SRC: variants seen among roughly 807,000 people sequenced by gnomAD.
The protein encoded by SRC is SRC proto-oncogene, non-receptor tyrosine kinase, also known as proto-oncogene tyrosine-protein kinase Src.
In SRC, 13 loss-of-function variants were observed where a neutral mutation model predicts 62.9. That is an observed-to-expected ratio of 0.21 (90% CI 0.13 to 0.33). The LOEUF (loss-of-function observed/expected upper bound fraction) is 0.33, where lower values mean the gene tolerates loss of function less well. Ranked by LOEUF, SRC falls within the 10% of genes least tolerant of loss-of-function variation. The probability of loss-of-function intolerance (pLI) is 1.00; values close to 1 mark genes in which losing one functional copy is unlikely to be tolerated. For missense variants in SRC, 457 were observed against 737.3 expected (o/e 0.62, Z 4.40); for synonymous variants, 302 against 317.5 (o/e 0.95, Z 0.52).
Position 37,402,902 on chromosome 20 carries a change from G to A in SRC, c.1402+22G>A. Reference sequence around the variant, plus strand: ...CCTGGTAAGAAGGTCCTCATGGCCTGTCTGTGGTCCCTGAATCCCTCTGCC... The same window carrying A: ...CCTGGTAAGAAGGTCCTCATGGCCTATCTGTGGTCCCTGAATCCCTCTGCC... On this transcript the variant is annotated intron_variant, in intron 13 of 13. Coordinates refer to ENST00000373578, the MANE Select transcript of SRC (RefSeq NM_198291.3). The surrounding 1 kb of genome is among the most constrained non-coding windows in gnomAD (Gnocchi z 6.2). The A allele has an allele frequency of 6.2e-7, 1 of 1,607,970 alleles. No individual in the cohort carries two copies. Among genetic ancestry groups the A allele is most frequent in the Non-Finnish European group, 8.5e-7 (1 of 1,177,154 alleles).
At chr20:37,389,689 GC>G (rs1418723504) in intron 5 of SRC, among the ~76,000 whole-genome samples, 1 of 152,186 alleles carries the variant, frequency 6.6e-6, no homozygotes, top group Non-Finnish European at 1.5e-5. Flanking sequence ...AGGTTCCAAA[GC>G]TGCCGTGCCC....
chr20:37,398,875 G>C lies in SRC; in HGVS notation c.859+1021G>C, dbSNP rs2070697977. On this transcript the variant is annotated intron_variant, in intron 9 of 13. Transcript: ENST00000373578. This position sits in a 1 kb window ranked among gnomAD's most constrained non-coding sequence, Gnocchi z 5.2. Reference sequence around the variant, plus strand: ...GTCGACTCATGAAGTGCCACATGCAGATGGCCTGAGCCAGCAGGGCCACAG... The same window carrying C: ...GTCGACTCATGAAGTGCCACATGCACATGGCCTGAGCCAGCAGGGCCACAG... 6.6e-6 allele frequency among the ~76,000 whole-genome samples: 1 copy of C among 152,250 alleles called. No homozygotes were observed. Among genetic ancestry groups the C allele is most frequent in the South Asian group, 2.1e-4 (1 of 4,836 alleles).
At chr20:37,390,085 T>C (rs1454351961) in intron 5 of SRC, among the ~76,000 whole-genome samples, 2 of 152,140 alleles carry the variant, frequency 1.3e-5, no homozygotes, top group African/African-American at 2.4e-5. Context: ...GCTCAGATGA[T>C]CATCACAGTC....
intron 1 of SRC, among the ~76,000 whole-genome samples, chr20:37,358,124 A>C (rs1424955975): frequency 1.3e-5 from 2 of 152,276 alleles, no homozygotes; most frequent in African/African-American, 2.4e-5. Context: ...TGAGAGGAGG[A>C]GGCTGGGCAC....
intron 1 of SRC, among the ~76,000 whole-genome samples, chr20:37,360,401 T>C (rs2069951898): frequency 1.3e-5 from 2 of 151,914 alleles, no homozygotes; most frequent in South Asian, 4.2e-4. Context: ...TTTTTAAAAT[T>C]TTTAATTTGT....
At chr20:37,377,024 G>C (rs1331664248) in intron 2 of SRC, among the ~76,000 whole-genome samples, 1 of 152,202 alleles carries the variant, frequency 6.6e-6, no homozygotes, top group Non-Finnish European at 1.5e-5. Context: ...CTTGGACAAG[G>C]TTTTAGTTTC....
At position 37,400,277 on chromosome 20, in the gene SRC, C is replaced by T. The variant is rs2147116844; in HGVS notation, c.1022C>T (p.Thr341Met). The T allele has an allele frequency of 6.2e-7, 1 of 1,613,006 alleles. No homozygotes were observed. Among genetic ancestry groups the T allele is most frequent in the Non-Finnish European group, 8.5e-7 (1 of 1,179,346 alleles). The change falls in exon 10 of 14, where the codon ACG (threonine) becomes ATG (methionine). Residue 341 changes from threonine (T) to methionine (M), a missense_variant. This residue lies in a region of SRC where 168 missense variants were observed against 357.8 expected (regional missense o/e 0.47). Coordinates refer to ENST00000373578, the MANE Select transcript of SRC (RefSeq NM_198291.3). ...VVSEEPIYIV[T>M]EYMSKGSLLD... Reference sequence around the variant, plus strand: ...TCAGAGGAGCCCATTTACATCGTCACGGAGTACATGAGCAAGGGTGAGTCC... The same window carrying T: ...TCAGAGGAGCCCATTTACATCGTCATGGAGTACATGAGCAAGGGTGAGTCC...
At chr20:37,372,455 C>T (rs1398832779) in intron 2 of SRC, among the ~76,000 whole-genome samples, 3 of 152,022 alleles carry the variant, frequency 2.0e-5, no homozygotes, top group African/African-American at 4.8e-5. Flanking sequence ...AATTGAGGAG[C>T]GTGTTGTTTA....
intron 1 of SRC, among the ~76,000 whole-genome samples, chr20:37,355,789 G>A (rs2069873352): frequency 6.6e-6 from 1 of 152,202 alleles, no homozygotes; most frequent in Non-Finnish European, 1.5e-5. Context: ...CCGGGAAGAA[G>A]GGACCGTGTG....
rs891777093 is a variant in SRC at position 37,404,130 on chromosome 20, C to G, written c.*751C>G. On this transcript the variant is annotated 3_prime_UTR_variant, in exon 14 of 14. Coordinates refer to ENST00000373578, the MANE Select transcript of SRC (RefSeq NM_198291.3). ...GGAGGCGGGCTTGGAACCCGGTGCTCCCTCTGTCATCCTCAGGAACCAACA... is the reference window on the plus strand; with the variant it reads ...GGAGGCGGGCTTGGAACCCGGTGCTGCCTCTGTCATCCTCAGGAACCAACA... The G allele has an allele frequency of 4.3e-6, 1 of 233,624 alleles. No homozygotes were observed. The highest frequency in any genetic ancestry group is 2.2e-5 in the African/African-American group (1 of 45,302). 14.5% of individuals were successfully genotyped at this position (233,624 alleles called of 1,614,324 possible).
intron 10 of SRC, among the ~76,000 whole-genome samples, chr20:37,401,240 C>T (rs1344250766): frequency 6.6e-6 from 1 of 152,006 alleles, no homozygotes; most frequent in Non-Finnish European, 1.5e-5. Flanking sequence ...TGGGCTCAAG[C>T]GATCTTCCCA....
intron 5 of SRC, among the ~76,000 whole-genome samples, chr20:37,390,829 G>T (rs1194794144): frequency 6.6e-6 from 1 of 152,200 alleles, no homozygotes; most frequent in East Asian, 1.9e-4. Context: ...CTGGGATGGT[G>T]TCTAGGGCAG....
At position 37,402,386 on chromosome 20, in the gene SRC, G is replaced by C. The variant is rs749607713; in HGVS notation, c.1117-49G>C. On this transcript the variant is annotated intron_variant, in intron 11 of 13. Coordinates refer to ENST00000373578, the MANE Select transcript of SRC (RefSeq NM_198291.3). This position sits in a 1 kb window ranked among gnomAD's most constrained non-coding sequence, Gnocchi z 6.2. ...AGCCCCAGAGTGCTCTGTGGCCCTGGGAGGGCATGGGTGGCACCTGAGCCA... is the reference window on the plus strand; with the variant it reads ...AGCCCCAGAGTGCTCTGTGGCCCTGCGAGGGCATGGGTGGCACCTGAGCCA... The C allele has an allele frequency of 5.0e-6, 8 of 1,593,492 alleles. No homozygotes were observed. The East Asian group carries it at 1.8e-4, about 36-fold the overall frequency.
At chr20:37,362,219 A>AT (rs963793183) in intron 1 of SRC, among the ~76,000 whole-genome samples, 63 of 147,614 alleles carry the variant, frequency 4.3e-4, no homozygotes, top group African/African-American at 1.5e-3. Flanking sequence ...GACCGGTTAC[A>AT]TTTTTTTTCT....
At chr20:37,380,984 C>T (rs561389273) in intron 2 of SRC, among the ~76,000 whole-genome samples, 16 of 152,190 alleles carry the variant, frequency 1.1e-4, no homozygotes, top group South Asian at 2.1e-4. Flanking sequence ...ACTTTTCTCA[C>T]GGATTCTCCC....
intron 1 of SRC, among the ~76,000 whole-genome samples, chr20:37,352,532 A>G (rs2069820428): frequency 6.6e-6 from 1 of 152,132 alleles, no homozygotes; most frequent in Non-Finnish European, 1.5e-5. Flanking sequence ...CCTGTGACCT[A>G]GCATAGCCTC....
intron 2 of SRC, among the ~76,000 whole-genome samples, chr20:37,365,956 C>G (rs985888140): frequency 6.6e-6 from 1 of 151,768 alleles, no homozygotes; most frequent in Admixed American, 6.6e-5. Flanking sequence ...TGACTTTTTT[C>G]TCTTGACAGT....
chr20:37,386,614 T>G, intron 5 of SRC: 1 of 660,574 alleles, frequency 1.5e-6, no homozygotes, highest in Admixed American at 2.1e-5. Flanking sequence ...GCTTCTCCCC[T>G]CCCCCCTCCA....
chr20:37,352,420 G>T (rs1246076792), intron 1 of SRC, among the ~76,000 whole-genome samples: 1 of 152,196 alleles, frequency 6.6e-6, no homozygotes, highest in Non-Finnish European at 1.5e-5. Context: ...GGAGTGGGGG[G>T]AAGATTAACT....
Sources: allele counts gnomAD v4.1 joint callset (sites outside exome capture counted in the v4.1 genomes callset), GRCh38; gene constraint gnomAD v4.1.1; regional missense constraint gnomAD v4.1.1; non-coding constraint Gnocchi (gnomAD v3.1); transcripts MANE v1.5; gene names NCBI Gene and HGNC (gene_info 2026-07-23, HGNC 2026-07-21).